The following ABCA10 variants were observed in gnomAD, a reference collection of about 807,000 sequenced individuals.
The protein encoded by ABCA10 is ATP-binding cassette sub-family A member 10.
Under a neutral mutation model 187.5 loss-of-function variants are expected in ABCA10, and 169 were observed. The ratio of observed to expected loss-of-function variants is 0.90; its 90% confidence interval spans 0.80 to 1.02. The LOEUF (loss-of-function observed/expected upper bound fraction) is 1.02. Ranked by LOEUF, ABCA10 falls within the 50% of genes least tolerant of loss-of-function variation. ABCA10 has a pLI of 0.00. For synonymous variants in ABCA10, 574 were observed against 601.8 expected (o/e 0.95, Z 0.68); for missense variants, 1,727 against 1,812.4 (o/e 0.95, Z 0.86).
Position 69,194,433 on chromosome 17 carries a change from T to C in ABCA10, c.1297A>G (p.Lys433Glu). The C allele has an allele frequency of 6.2e-7, 1 of 1,613,348 alleles. No individual in the cohort carries two copies. The highest frequency in any genetic ancestry group is 8.5e-7 in the Non-Finnish European group (1 of 1,179,550). Residue 433 changes from lysine to glutamate, a missense_variant, in exon 12 of 39, where the codon AAA becomes GAA. Coordinates refer to ENST00000690296, the MANE Select transcript of ABCA10 (RefSeq NM_001377321.1). ...CTAAGAATGTTTAGCAGTGTTGATT[T>C]ACCAGCTCCATTATGCCCAAGTATT... ...TAILGHNGAG[K>E]STLLNILSGL...
intron 27 of ABCA10, 76 bp downstream of exon 27, chr17:69,163,998 G>T (rs1362583058): frequency 6.2e-6 from 7 of 1,133,650 alleles, no homozygotes; most frequent in Non-Finnish European, 7.3e-6. Context: ...ATTTAAATTT[G>T]GCATACCTTG....
chr17:69,154,418 GAC>G (rs141614418), intron 30 of ABCA10, 92 bp from the exon 31 acceptor site: 3 of 639,222 alleles, frequency 4.7e-6, no homozygotes, highest in South Asian at 5.4e-5. Context: ...GAAACAAAAT[GAC>G]TTTTTTTTTT....
At chr17:69,154,145 A>AT in intron 31 of ABCA10, 90 bp downstream of exon 31, 1 of 1,438,512 alleles carries the variant, frequency 7.0e-7, no homozygotes, top group East Asian at 2.4e-5. Context: ...TCTTTCATCT[A>AT]TTTTTTAAAA....
intron 1 of ABCA10, among the ~76,000 whole-genome samples, chr17:69,238,089 G>A (rs2074882673): frequency 6.6e-6 from 1 of 151,778 alleles, no homozygotes; most frequent in African/African-American, 2.4e-5. Flanking sequence ...TTGAACCCGG[G>A]AGGCAGAGGT....
chr17:69,182,942 T>TACTA, intron 20 of ABCA10, 134 bp from the exon 21 acceptor site: 1 of 1,123,940 alleles, frequency 8.9e-7, no homozygotes, highest in Non-Finnish European at 1.2e-6. Flanking sequence ...CCTTGCTCTT[T>TACTA]AGGAGTACAA....
chr17:69,155,180 T>C (rs2074164399), intron 29 of ABCA10, 44 bp from the exon 30 acceptor site: 1 of 1,433,870 alleles, frequency 7.0e-7, no homozygotes, highest in Non-Finnish European at 9.8e-7. Flanking sequence ...AAATTTCAGA[T>C]ACTTTACGAA....
At chr17:69,215,424 C>T (rs2144838976) in intron 8 of ABCA10, 1 of 166,094 alleles carries the variant, frequency 6.0e-6, no homozygotes, top group Non-Finnish European at 1.3e-5. Flanking sequence ...CTGCAGAAGA[C>T]AGGCTAAAGA....
At chr17:69,229,320 TGGACTCCA>T (rs2074815729), upstream of ABCA10, among the ~76,000 whole-genome samples, 1 of 152,070 alleles carries the variant, frequency 6.6e-6, no homozygotes. Context: ...GAATAGTATC[TGGACTCCA>T]AGATCCCTCA....
At chr17:69,215,715 C>CA in intron 8 of ABCA10, 100 bp downstream of exon 8, 1 of 1,158,472 alleles carries the variant, frequency 8.6e-7, no homozygotes. Flanking sequence ...TCTTAAAACA[C>CA]AGAGTGGCTG....
intron 32 of ABCA10, 71 bp from the exon 33 acceptor site, chr17:69,153,617 C>A: frequency 3.8e-6 from 6 of 1,559,714 alleles, no homozygotes; most frequent in Admixed American, 1.8e-5. Flanking sequence ...CTGTAGGAAA[C>A]TCTAAGCACT....
intron 1 of ABCA10, among the ~76,000 whole-genome samples, chr17:69,242,684 G>T (rs1003828508): frequency 6.6e-6 from 1 of 151,984 alleles, no homozygotes. Context: ...GACTGGTCTC[G>T]AACTACTGAC....
At position 69,193,578 on chromosome 17, in the gene ABCA10, C is replaced by T; in HGVS notation, c.1556G>A (p.Ser519Asn). The change falls in exon 14 of 39, where the codon AGC (serine) becomes AAC (asparagine). Residue 519 changes from serine to asparagine, a missense_variant. Transcript: ENST00000690296. ...TTTTTTAGCAATAATGTCTTGAATG[C>T]TTTGCATGTCTAATTCCATTATAAT... ...KRIIMELDMQSIQDIIAKKLS... is the reference protein window; with the variant it reads ...KRIIMELDMQNIQDIIAKKLS... 1 of 1,610,556 alleles carries T rather than the reference C, an allele frequency of 6.2e-7. No individual in the cohort carries two copies. The highest frequency in any genetic ancestry group is 1.1e-5 in the South Asian group (1 of 90,826).
intron 27 of ABCA10, among the ~76,000 whole-genome samples, chr17:69,157,912 G>C (rs1400295486): frequency 6.6e-6 from 1 of 151,706 alleles, no homozygotes; most frequent in Non-Finnish European, 1.5e-5. Context: ...ACCTTAGGGA[G>C]GGGGGGATTT....
chr17:69,236,645 C>T (rs1236061860), intron 1 of ABCA10, among the ~76,000 whole-genome samples: 1 of 152,168 alleles, frequency 6.6e-6, no homozygotes, highest in Non-Finnish European at 1.5e-5. Context: ...TCCACTGACG[C>T]CTTTGGATAA....
rs1189322907 is a variant in ABCA10, at chr17:69,162,808, T to TATATACATATACATATACATATAC, written c.3363+1242_3363+1265dup. Among the ~76,000 whole-genome samples the TATATACATATACATATACATATAC allele has an allele frequency of 3.5e-4, 44 of 126,276 alleles. 1 individual carries two copies. The highest frequency in any genetic ancestry group is 2.7e-3 in the South Asian group (10 of 3,764). 82.8% of individuals were successfully genotyped at this position (126,276 alleles called of 152,430 possible). On this transcript the variant is annotated intron_variant, in intron 27 of 38. Coordinates refer to ENST00000690296, the MANE Select transcript of ABCA10 (RefSeq NM_001377321.1). ...TGGGGTTTATGTTGAAAAAATTACA[T>TATATACATATACATATACATATAC]ATATACATATACATATACATATACA...
intron 11 of ABCA10, 115 bp from the exon 12 acceptor site, chr17:69,194,610 C>T (rs1441334059): frequency 9.7e-6 from 6 of 617,610 alleles, no homozygotes; most frequent in African/African-American, 3.7e-5. Context: ...TATTTTAATA[C>T]ATCCCCTATA....
intron 25 of ABCA10, among the ~76,000 whole-genome samples, chr17:69,166,637 C>G (rs945559909): frequency 6.6e-6 from 1 of 152,118 alleles, no homozygotes; most frequent in Non-Finnish European, 1.5e-5. Context: ...AGATCTAAGG[C>G]TGGAGAATGT....
rs967934866 is a variant in ABCA10 at position 69,164,130 on chromosome 17, T to G, written c.3307A>C (p.Ser1103Arg). The G allele has an allele frequency of 2.6e-5, 41 of 1,586,574 alleles. No individual in the cohort carries two copies. The highest frequency in any genetic ancestry group is 3.4e-5 in the Non-Finnish European group (40 of 1,171,060). ...ACTTCATTTATTCTATTGTCCAGAC[T>G]GTCCAAGTTTCTCATAAAGTCGAGC... ...IQLDFMRNLDSLDNRINEVNK... is the reference protein window; with the variant it reads ...IQLDFMRNLDRLDNRINEVNK... Residue 1103 changes from serine to arginine, a missense_variant, in exon 27 of 39, where the codon AGT (serine) becomes CGT (arginine). By Grantham distance (110) the Ser-to-Arg change is moderately radical. Coordinates refer to ENST00000690296, the MANE Select transcript of ABCA10 (RefSeq NM_001377321.1).
At chr17:69,198,085 A>G (rs1163673843) in intron 10 of ABCA10, among the ~76,000 whole-genome samples, 1 of 148,906 alleles carries the variant, frequency 6.7e-6, no homozygotes, top group Non-Finnish European at 1.5e-5. Flanking sequence ...AGGCATCCTT[A>G]ACTCTCTCTC....
Sources: gnomAD v4.1 joint callset for allele counts (sites outside exome capture counted in the v4.1 genomes callset) on GRCh38, gnomAD v4.1.1 for gene constraint, MANE v1.5 for transcripts, NCBI Gene and HGNC (gene_info 2026-07-23, HGNC 2026-07-21) for gene names.